Variants in TP53I13 observed in about 807,000 individuals in gnomAD.
TP53I13 encodes tumor protein p53 inducible protein 13.
A neutral mutation model predicts 39.1 loss-of-function variants in TP53I13; 27 were observed. The observed-to-expected ratio is 0.69, with a 90% CI of 0.51 to 0.95. TP53I13 has a LOEUF of 0.95. TP53I13 is among the 40% of genes least tolerant of loss of function. The pLI is 0.00. For synonymous variants in TP53I13, 230 were observed against 224.6 expected, an observed-to-expected ratio of 1.02 and a Z score of -0.22; for missense variants, 544 against 520.4, an observed-to-expected ratio of 1.05 and a Z score of -0.44.
chr17:29,580,776 CT>C, the TP53I13 span, among the ~76,000 whole-genome samples: 1,725 of 142,448 alleles, frequency 0.012, 21 homozygotes, highest in African/African-American at 0.033. Context: ...GTTTCTTTTT[CT>C]TTTTTTTTTT....
rs1199971082 is a variant in TP53I13 at position 29,572,160 on chromosome 17, G to T, written c.532G>T (p.Ala178Ser). ...GCVQALALAF[A>S]LRSWRPPGTE... Reference sequence around the variant, plus strand: ...TCCTTAGGCCCTGGCTCTGGCCTTTGCTCTGCGGAGCTGGCGGCCCCCTGG... The same window carrying T: ...TCCTTAGGCCCTGGCTCTGGCCTTTTCTCTGCGGAGCTGGCGGCCCCCTGG... The change falls in exon 6 of 7, where the codon GCT becomes TCT. Residue 178 changes from alanine to serine, a missense_variant. Coordinates refer to ENST00000301057, the MANE Select transcript of TP53I13 (RefSeq NM_138349.4). 6.2e-7 allele frequency: 1 copy of T among 1,608,020 alleles called. No individual in the cohort carries two copies. The highest frequency in any genetic ancestry group is 8.5e-7 in the Non-Finnish European group (1 of 1,176,722).
At chr17:29,573,245 C>T (rs758732284), downstream of TP53I13, 19 of 272,272 alleles carry the variant, frequency 7.0e-5, no homozygotes, top group Non-Finnish European at 1.2e-4. Context: ...TGAGGCAGCC[C>T]GCCCCCGCTG....
At position 29,571,730 on chromosome 17, in the gene TP53I13, G is replaced by A; in HGVS notation, c.312+11G>A. The A allele has an allele frequency of 6.2e-7, 1 of 1,614,100 alleles. No homozygotes were observed. The highest frequency in any genetic ancestry group is 8.5e-7 in the Non-Finnish European group (1 of 1,180,024). ...CTCACGCAGGATCGGGTATGTAGCT[G>A]ATGAAAGGCGCTTGCCTGGCCCTGG... On this transcript the variant is annotated intron_variant, in intron 4 of 6. Coordinates refer to ENST00000301057, the MANE Select transcript of TP53I13 (RefSeq NM_138349.4).
At chr17:29,573,712 G>A (rs572690502), downstream of TP53I13, 86 of 152,740 alleles carry the variant, frequency 5.6e-4, no homozygotes, top group African/African-American at 1.9e-3. Flanking sequence ...CAGAGGTTAC[G>A]GGGAGGGGAC....
Position 29,568,957 on chromosome 17 carries a change from GGA to G in TP53I13, c.73-53_73-52del. 1 of 1,591,812 alleles carries G rather than the reference GGA, an allele frequency of 6.3e-7. No homozygotes were observed. Among genetic ancestry groups the G allele is most frequent in the South Asian group, 1.1e-5 (1 of 89,058 alleles). ...TCTTCCGCTGGCGGGCTGGGCCTGG[GGA>G]GAGAGAGGGCAGGGCCTCGCCGCGT... On this transcript the variant is annotated intron_variant, in intron 1 of 6. Transcript: ENST00000301057. The surrounding 1 kb of genome is among the most constrained non-coding windows in gnomAD (Gnocchi z 4.5).
the TP53I13 span, chr17:29,579,017 A>G: frequency 6.2e-7 from 1 of 1,611,746 alleles, no homozygotes; most frequent in African/African-American, 1.3e-5. Flanking sequence ...AGCAGAGGGA[A>G]GAACAGGACA....
chr17:29,570,377 A>T (rs2032879502), intron 3 of TP53I13: 1 of 150,812 alleles, frequency 6.6e-6, no homozygotes, highest in Admixed American at 6.6e-5. Flanking sequence ...GCGTGGTGGC[A>T]CACCCCTGTA....
chr17:29,578,274 C>G, the TP53I13 span: 3 of 1,599,162 alleles, frequency 1.9e-6, no homozygotes, highest in South Asian at 3.3e-5. Flanking sequence ...TCCTCCACGC[C>G]AGACACTCCT....
chr17:29,566,636 G>A (rs777256862), upstream of TP53I13: 25 of 1,607,028 alleles, frequency 1.6e-5, no homozygotes, highest in Non-Finnish European at 2.0e-5. Context: ...AGGACGAAGT[G>A]GCAGAGGGTC....
rs940607000 is a variant in TP53I13, at chr17:29,569,472, A to T, written c.183+113A>T. On this transcript the variant is annotated intron_variant, in intron 3 of 6. Transcript: ENST00000301057. ...GGCCCCATTCCTTACCACTTCCCTC[A>T]GGCAGAGGCAGGGTTCTAGTTCTCT... is the stretch of plus-strand genomic sequence containing the variant. 4.5e-5 allele frequency: 46 copies of T among 1,011,602 alleles called. 1 individual carries two copies. Among genetic ancestry groups the T allele is most frequent in the Non-Finnish European group, 2.5e-5 (17 of 681,966 alleles). The allele number at this position is 1,011,602 out of a possible 1,614,324, so 62.7% of individuals were successfully genotyped here. A position where few individuals can be genotyped will look rare whatever the true frequency, so the allele number is the denominator to read the frequency against.
chr17:29,569,132 G>T (rs1567760058), intron 2 of TP53I13, 46 bp downstream of exon 2: 1 of 1,548,908 alleles, frequency 6.5e-7, no homozygotes, highest in Non-Finnish European at 8.8e-7. Context: ...TGAAAGGCTA[G>T]CCCAGTCCCG....
the TP53I13 span, chr17:29,581,227 G>A: frequency 1.3e-6 from 1 of 791,518 alleles, no homozygotes; most frequent in South Asian, 1.4e-5. The surrounding 1 kb of genome is among the most constrained non-coding windows in gnomAD (Gnocchi z 4.8). Context: ...TAGTCTCTGG[G>A]GGGAGGGAGC....
At chr17:29,575,229 G>C, downstream of TP53I13, 5 of 1,566,560 alleles carry the variant, frequency 3.2e-6, no homozygotes, top group Non-Finnish European at 4.4e-6. The surrounding 1 kb of genome is among the most constrained non-coding windows in gnomAD (Gnocchi z 5.5). Context: ...CATGCTCTCT[G>C]CAACACCCTA....
intron 3 of TP53I13, chr17:29,570,438 G>T (rs954174406): frequency 6.6e-6 from 1 of 151,256 alleles, no homozygotes; most frequent in African/African-American, 2.4e-5. Flanking sequence ...AGCCCAGGAG[G>T]CAGAGGTTGC....
chr17:29,566,696 C>A, upstream of TP53I13: 1 of 1,587,822 alleles, frequency 6.3e-7, no homozygotes, highest in Non-Finnish European at 8.5e-7. Flanking sequence ...TCCAGCGCCT[C>A]TGAGCGCCGC....
At chr17:29,579,387 A>G in the TP53I13 span, 2 of 257,214 alleles carry the variant, frequency 7.8e-6, no homozygotes, top group African/African-American at 4.4e-5. Context: ...TGGCTGCACT[A>G]CCCCTTGCCT....
downstream of TP53I13, chr17:29,576,942 T>C: frequency 1.3e-6 from 2 of 1,597,198 alleles, no homozygotes; most frequent in Non-Finnish European, 1.7e-6. Context: ...CACGCTGTCG[T>C]AGTCGTGTTG....
At chr17:29,568,360 C>T (rs1044332124), upstream of TP53I13, 1 of 152,488 alleles carries the variant, frequency 6.6e-6, no homozygotes, top group East Asian at 1.9e-4. The surrounding 1 kb of genome is among the most constrained non-coding windows in gnomAD (Gnocchi z 4.5). Context: ...ACAGGGATTC[C>T]ATTTCCGGCC....
chr17:29,569,427 C>T, intron 3 of TP53I13, 68 bp downstream of exon 3: 11 of 1,516,532 alleles, frequency 7.3e-6, no homozygotes, highest in South Asian at 5.8e-5. Flanking sequence ...TAGCAGGCTT[C>T]GCTGCCTGTT....
Sources: gnomAD v4.1 joint callset for allele counts (sites outside exome capture counted in the v4.1 genomes callset) on GRCh38, gnomAD v4.1.1 for gene constraint, Gnocchi (gnomAD v3.1) non-coding constraint, MANE v1.5 for transcripts, NCBI Gene and HGNC (gene_info 2026-07-23, HGNC 2026-07-21) for gene names.